Variants in HECW2 observed in about 807,000 individuals in gnomAD.
HECW2 encodes E3 ubiquitin-protein ligase HECW2.
Under a neutral mutation model 175.2 loss-of-function variants are expected in HECW2, and 61 were observed. The observed-to-expected ratio is 0.35, with a 90% CI of 0.28 to 0.43. The LOEUF (loss-of-function observed/expected upper bound fraction) is 0.43, where lower values mean the gene tolerates loss of function less well. HECW2 is among the 20% of genes least tolerant of loss of function. The probability of loss-of-function intolerance (pLI) is 1.00; values close to 1 mark genes in which losing one functional copy is unlikely to be tolerated. For synonymous variants in HECW2, 671 were observed against 731.0 expected, an observed-to-expected ratio of 0.92 and a Z score of 1.32; for missense variants, 1,524 against 2,000.5, an observed-to-expected ratio of 0.76 and a Z score of 4.54.
chr2:196,382,020 G>A (rs1010975932), intron 2 of HECW2, among the ~76,000 whole-genome samples: 22 of 152,038 alleles, frequency 1.4e-4, no homozygotes, highest in Non-Finnish European at 7.4e-5. Flanking sequence ...CAATAAAAGT[G>A]TGCACATATA....
intron 19 of HECW2, among the ~76,000 whole-genome samples, chr2:196,250,167 C>T (rs562508276): frequency 5.3e-5 from 8 of 152,140 alleles, no homozygotes; most frequent in African/African-American, 9.7e-5. Flanking sequence ...TTGACTGGCA[C>T]GAGCAACAAT....
Position 196,325,156 on chromosome 2 carries a change from A to G in HECW2, c.572-7T>C, listed in dbSNP as rs748900035. 3.8e-6 allele frequency: 6 copies of G among 1,566,904 alleles called. No homozygotes were observed. The East Asian group carries it at 1.4e-4, about 36-fold the overall frequency. On this transcript the variant is annotated splice_polypyrimidine_tract_variant and splice_region_variant and intron_variant, in intron 5 of 28. Transcript: ENST00000644978. ...AGCCCAACTGCCCTAAGATCTTTAA[A>G]GAAAGAGGGAGAAGGAGGGAGGGAC...
intron 1 of HECW2, among the ~76,000 whole-genome samples, chr2:196,439,135 C>A (rs1695967322): frequency 1.3e-5 from 2 of 152,102 alleles, no homozygotes; most frequent in Admixed American, 1.3e-4. Context: ...ATGTACCATG[C>A]AAGGTTGTTT....
chr2:196,234,797 C>T (rs966285068), intron 21 of HECW2, among the ~76,000 whole-genome samples: 1 of 152,092 alleles, frequency 6.6e-6, no homozygotes, highest in South Asian at 2.1e-4. Flanking sequence ...AATAGGCAAC[C>T]CCTGCGTGCA....
intron 3 of HECW2, among the ~76,000 whole-genome samples, chr2:196,338,433 C>T (rs969275170): frequency 1.3e-5 from 2 of 152,194 alleles, no homozygotes; most frequent in Admixed American, 1.3e-4. Context: ...AAACATTATA[C>T]TCTTTCGTAT....
At chr2:196,312,766 C>T (rs944990436) in intron 10 of HECW2, among the ~76,000 whole-genome samples, 8 of 152,168 alleles carry the variant, frequency 5.3e-5, no homozygotes, top group Admixed American at 2.0e-4. Context: ...GCACTTTAAT[C>T]TTCAATTTTT....
At chr2:196,450,475 T>A (rs1696313575) in intron 1 of HECW2, among the ~76,000 whole-genome samples, 1 of 150,514 alleles carries the variant, frequency 6.6e-6, no homozygotes, top group African/African-American at 2.5e-5. Flanking sequence ...TGTTAGATGC[T>A]GCCCAAATAT....
chr2:196,423,870 G>T (rs1695472037), intron 2 of HECW2, among the ~76,000 whole-genome samples: 1 of 151,930 alleles, frequency 6.6e-6, no homozygotes, highest in Admixed American at 6.6e-5. Flanking sequence ...CCCATAAGTG[G>T]GATTGCTGGG....
chr2:196,575,338 G>A (rs572205927), intron 1 of HECW2, among the ~76,000 whole-genome samples: 1 of 152,196 alleles, frequency 6.6e-6, no homozygotes, highest in East Asian at 1.9e-4. Context: ...CAGTCATTGT[G>A]CAAAACAATA....
chr2:196,504,828 T>C (rs1687698789), intron 1 of HECW2, among the ~76,000 whole-genome samples: 1 of 152,096 alleles, frequency 6.6e-6, no homozygotes, highest in Non-Finnish European at 1.5e-5. Context: ...ACATAGATTA[T>C]CTCATTTACT....
intron 13 of HECW2, among the ~76,000 whole-genome samples, chr2:196,305,653 G>GTAT (rs1166658586): frequency 6.6e-6 from 1 of 151,858 alleles, no homozygotes; most frequent in African/African-American, 2.4e-5. Flanking sequence ...CATTATTTAT[G>GTAT]TATTATTATT....
At chr2:196,299,990 T>TAA (rs1690979100) in intron 13 of HECW2, among the ~76,000 whole-genome samples, 1 of 152,140 alleles carries the variant, frequency 6.6e-6, no homozygotes, top group Non-Finnish European at 1.5e-5. Context: ...ATCCAGTCTC[T>TAA]ACTTGAAACA....
At chr2:196,262,189 C>T (rs1381327811) in intron 17 of HECW2, among the ~76,000 whole-genome samples, 1 of 152,098 alleles carries the variant, frequency 6.6e-6, no homozygotes, top group East Asian at 1.9e-4. Flanking sequence ...CCACACCCAG[C>T]TAATTTTTAA....
At chr2:196,267,681 C>A (rs1689568065) in intron 17 of HECW2, among the ~76,000 whole-genome samples, 1 of 152,176 alleles carries the variant, frequency 6.6e-6, no homozygotes, top group Non-Finnish European at 1.5e-5. Flanking sequence ...CAGGAAGACA[C>A]ACCAGTGAAG....
intron 1 of HECW2, among the ~76,000 whole-genome samples, chr2:196,482,647 G>C (rs1412630418): frequency 6.6e-6 from 1 of 152,178 alleles, no homozygotes; most frequent in Non-Finnish European, 1.5e-5. Flanking sequence ...GGGTACCAGG[G>C]GGCAGGGGAG....
Position 196,371,650 on chromosome 2 carries a change from A to G in HECW2, c.293-27886T>C, listed in dbSNP as rs375345020. 4.6e-5 allele frequency among the ~76,000 whole-genome samples: 7 copies of G among 152,238 alleles called. No homozygotes were observed. The South Asian group carries it at 8.3e-4, about 18-fold the overall frequency. On this transcript the variant is annotated intron_variant, in intron 2 of 28. Transcript: ENST00000644978. ...AAAATTTTGGACTCATATTTTATAG[A>G]TCTTGTATTTTATTCCATTTCTTTT... is the stretch of plus-strand genomic sequence containing the variant.
chr2:196,427,830 A>C (rs1439756125), intron 2 of HECW2, among the ~76,000 whole-genome samples: 1 of 152,202 alleles, frequency 6.6e-6, no homozygotes, highest in Non-Finnish European at 1.5e-5. Flanking sequence ...TATAATTAGC[A>C]TATGTTTTGA....
intron 19 of HECW2, among the ~76,000 whole-genome samples, chr2:196,245,160 G>A (rs1284358536): frequency 6.6e-6 from 1 of 152,188 alleles, no homozygotes; most frequent in Non-Finnish European, 1.5e-5. Flanking sequence ...AGAATGGGAA[G>A]CATGATGATA....
Position 196,533,475 on chromosome 2 carries a change from GT to G in HECW2, c.-36+60032del, listed in dbSNP as rs113534352. 3.0e-3 allele frequency among the ~76,000 whole-genome samples: 455 copies of G among 151,392 alleles called. 1 individual carries two copies. The highest frequency in any genetic ancestry group is 0.01 in the African/African-American group (424 of 41,126). ...AGACTACTCATCTTTTTTTGTGTGT[GT>G]GGGGGGGTATCTTTTATCTAATTCT... is the stretch of plus-strand genomic sequence containing the variant. On this transcript the variant is annotated intron_variant, in intron 1 of 28. Transcript: ENST00000644978.
Sources: allele counts gnomAD v4.1 joint callset (sites outside exome capture counted in the v4.1 genomes callset), GRCh38; gene constraint gnomAD v4.1.1; transcripts MANE v1.5; gene names NCBI Gene and HGNC (gene_info 2026-07-23, HGNC 2026-07-21).